The following TMEM38B variants were observed in gnomAD, a reference collection of about 807,000 sequenced individuals.
TMEM38B encodes the protein transmembrane protein 38B.
TMEM38B carries 24 observed loss-of-function variants against 28.7 expected under a neutral mutation model. The observed-to-expected ratio is 0.84, with a 90% CI of 0.61 to 1.18. The LOEUF (loss-of-function observed/expected upper bound fraction) is 1.18. TMEM38B is among the 50% of genes most tolerant of loss of function. The probability of loss-of-function intolerance (pLI) is 0.00; values close to 1 mark genes in which losing one functional copy is unlikely to be tolerated. For synonymous variants in TMEM38B, 131 were observed against 127.7 expected (o/e 1.03, Z -0.17); for missense variants, 380 against 350.9 (o/e 1.08, Z -0.66).
intron 5 of TMEM38B, among the ~76,000 whole-genome samples, chr9:105,750,637 A>G (rs1273669523): frequency 1.3e-5 from 2 of 152,038 alleles, no homozygotes; most frequent in Non-Finnish European, 2.9e-5. Flanking sequence ...CAAAAAACAC[A>G]CATTTTTTTT....
rs764529277 is a variant in TMEM38B, at chr9:105,694,646, C to T, written c.-15C>T. ...GTAGCCGCGGCTGCTTCGGTTGCCG[C>T]GGTCGGTGGTCGTTATGGATTCTCC... On this transcript the variant is annotated 5_prime_UTR_variant, in exon 1 of 6. Transcript: ENST00000374692. 4 of 1,607,734 alleles carry T rather than the reference C, an allele frequency of 2.5e-6. No homozygotes were observed. The highest frequency in any genetic ancestry group is 2.2e-5 in the East Asian group (1 of 44,744).
Position 105,757,920 on chromosome 9 carries a change from A to G in TMEM38B, c.660+9730A>G, listed in dbSNP as rs373973849. Among the ~76,000 whole-genome samples, 184 of 152,372 alleles carry G rather than the reference A, an allele frequency of 1.2e-3. 1 individual carries two copies. Among genetic ancestry groups the G allele is most frequent in the African/African-American group, 4.2e-3 (174 of 41,592 alleles). ...GGAGAGCAGTTTGGCAATATCTGAC[A>G]AGGTTGAAGATCCACGTATCTTGTG... On this transcript the variant is annotated intron_variant, in intron 5 of 5. Transcript: ENST00000374692.
In TMEM38B at chr9:105,757,869, G is replaced by A. The variant is rs186841863; in HGVS notation, c.660+9679G>A. The stretch of plus-strand genomic sequence containing the variant: ...ATAAACTATTTTAAAGGGATTTGGA[G>A]GGAGTATAAACAGGAATAAAACTTG... On this transcript the variant is annotated intron_variant, in intron 5 of 5. Coordinates refer to ENST00000374692, the MANE Select transcript of TMEM38B (RefSeq NM_018112.3). Among the ~76,000 whole-genome samples, 393 of 152,282 alleles carry A rather than the reference G, an allele frequency of 2.6e-3. 5 individuals carry two copies. The highest frequency in any genetic ancestry group is 8.8e-3 in the African/African-American group (365 of 41,552).
At chr9:105,761,878 T>G (rs1235053685) in intron 5 of TMEM38B, among the ~76,000 whole-genome samples, 1 of 152,210 alleles carries the variant, frequency 6.6e-6, no homozygotes, top group Non-Finnish European at 1.5e-5. Context: ...AACATTTTTA[T>G]AAGTGTCAAG....
chr9:105,759,913 A>G (rs1837973413), intron 5 of TMEM38B: 1 of 1,594,060 alleles, frequency 6.3e-7, no homozygotes, highest in Admixed American at 1.7e-5. Flanking sequence ...GGCTGAAATG[A>G]TCATGAAACC....
At chr9:105,718,419 A>G (rs1371975463) in intron 2 of TMEM38B, among the ~76,000 whole-genome samples, 1 of 152,004 alleles carries the variant, frequency 6.6e-6, no homozygotes, top group Non-Finnish European at 1.5e-5. Context: ...TGTGTTTTTT[A>G]GTAGAGATGG....
At chr9:105,734,392 A>G (rs1304552937) in intron 4 of TMEM38B, among the ~76,000 whole-genome samples, 1 of 152,134 alleles carries the variant, frequency 6.6e-6, no homozygotes, top group Admixed American at 6.6e-5. Context: ...TTTTATGTGC[A>G]CTAGAGAAGA....
intron 4 of TMEM38B, among the ~76,000 whole-genome samples, chr9:105,734,377 G>C (rs146606646): frequency 5.6e-4 from 85 of 152,244 alleles, no homozygotes; most frequent in African/African-American, 1.9e-3. Context: ...CCATCCTGGA[G>C]AATGTTTTAT....
intron 4 of TMEM38B, among the ~76,000 whole-genome samples, chr9:105,733,428 T>C (rs999871513): frequency 6.6e-6 from 1 of 151,184 alleles, no homozygotes. Context: ...TTTCTTTTTT[T>C]TTTTTTTTGC....
At chr9:105,735,334 A>G (rs1286980476) in intron 4 of TMEM38B, among the ~76,000 whole-genome samples, 2 of 152,188 alleles carry the variant, frequency 1.3e-5, no homozygotes, top group East Asian at 1.9e-4. Flanking sequence ...TAGCACCATT[A>G]CAGCACTGGG....
intron 5 of TMEM38B, among the ~76,000 whole-genome samples, chr9:105,763,109 GT>G (rs1564417094): frequency 6.7e-6 from 1 of 149,582 alleles, no homozygotes; most frequent in South Asian, 2.1e-4. Flanking sequence ...GGGGTTGTTT[GT>G]TTTTTTCTTG....
At chr9:105,765,313 A>T (rs140181906) in intron 5 of TMEM38B, among the ~76,000 whole-genome samples, 31 of 152,354 alleles carry the variant, frequency 2.0e-4, no homozygotes, top group Middle Eastern at 3.4e-3. Flanking sequence ...AAAAATTTTT[A>T]AAAGTCAACT....
At position 105,763,578 on chromosome 9, in the gene TMEM38B, G is replaced by C. The variant is rs1369257777; in HGVS notation, c.661-10287G>C. Among the ~76,000 whole-genome samples, 5 of 152,148 alleles carry C rather than the reference G, an allele frequency of 3.3e-5. No individual in the cohort carries two copies. In the East Asian group the frequency reaches 9.6e-4, roughly 29 times the overall value. On this transcript the variant is annotated intron_variant, in intron 5 of 5. Transcript: ENST00000374692. ...AGACAATAACAGGAGCTGAAATTGT[G>C]GCAATAATCAATAGCTTACCAACCA...
At chr9:105,710,779 C>T in intron 2 of TMEM38B, 1 of 519,890 alleles carries the variant, frequency 1.9e-6, no homozygotes, top group Non-Finnish European at 3.7e-6. Flanking sequence ...GGTAGCGGGA[C>T]ATGAAGGCTG....
intron 1 of TMEM38B, among the ~76,000 whole-genome samples, chr9:105,705,382 A>G (rs1835616132): frequency 6.6e-6 from 1 of 152,254 alleles, no homozygotes; most frequent in Admixed American, 6.5e-5. Context: ...TAAAGGTGCC[A>G]AAGTGCCAAA....
intron 4 of TMEM38B, among the ~76,000 whole-genome samples, chr9:105,738,847 A>G (rs533258964): frequency 1.1e-3 from 161 of 150,690 alleles, no homozygotes; most frequent in African/African-American, 3.8e-3. Flanking sequence ...CCTCCTGAGT[A>G]GCTGGGACTA....
chr9:105,710,260 A>G, intron 2 of TMEM38B: 1 of 601,440 alleles, frequency 1.7e-6, no homozygotes, highest in Non-Finnish European at 3.1e-6. Flanking sequence ...AGTAAGCACA[A>G]CTGTACTGGA....
intron 2 of TMEM38B, among the ~76,000 whole-genome samples, chr9:105,705,956 A>G (rs1050255612): frequency 1.3e-5 from 2 of 150,030 alleles, no homozygotes; most frequent in Admixed American, 6.6e-5. Flanking sequence ...GCTGAAGTGC[A>G]ATGGCATAAT....
chr9:105,741,582 G>A (rs1331155925), intron 4 of TMEM38B, among the ~76,000 whole-genome samples: 1 of 152,160 alleles, frequency 6.6e-6, no homozygotes, highest in Non-Finnish European at 1.5e-5. Context: ...GTTATATTGT[G>A]GTGGAAACTT....
Sources: allele counts gnomAD v4.1 joint callset (sites outside exome capture counted in the v4.1 genomes callset), GRCh38; gene constraint gnomAD v4.1.1; transcripts MANE v1.5; gene names NCBI Gene and HGNC (gene_info 2026-07-23, HGNC 2026-07-21).